Variants in FLT3 observed in about 807,000 individuals in gnomAD.
FLT3 encodes fms related receptor tyrosine kinase 3.
Under a neutral mutation model 126.6 loss-of-function variants are expected in FLT3, and 46 were observed. The observed-to-expected ratio is 0.36, with a 90% CI of 0.29 to 0.46. FLT3 has a LOEUF of 0.46. Ranked by LOEUF, FLT3 falls within the 20% of genes least tolerant of loss-of-function variation. The pLI is 1.00. For missense variants in FLT3, 1,069 were observed against 1,190.3 expected, an observed-to-expected ratio of 0.90 and a Z score of 1.50; for synonymous variants, 404 against 434.4, an observed-to-expected ratio of 0.93 and a Z score of 0.87.
chr13:28,061,127 G>A (rs1876515652), intron 3 of FLT3, among the ~76,000 whole-genome samples: 2 of 151,852 alleles, frequency 1.3e-5, no homozygotes, highest in African/African-American at 2.4e-5. Flanking sequence ...AGGCCGAGGT[G>A]GGAGGATCAT....
At chr13:28,045,930 T>A (rs1874820102) in intron 9 of FLT3, among the ~76,000 whole-genome samples, 1 of 57,852 alleles carries the variant, frequency 1.7e-5, no homozygotes, top group African/African-American at 4.1e-5. Context: ...AAGGCAATGG[T>A]TCTCAAAAAA....
chr13:28,066,623 T>TA (rs1476827710), intron 2 of FLT3, among the ~76,000 whole-genome samples: 13 of 151,956 alleles, frequency 8.6e-5, no homozygotes, highest in African/African-American at 2.4e-4. Context: ...ATCCAGAGGA[T>TA]AAAATAAATA....
At chr13:28,028,150 T>G in intron 16 of FLT3, 28 bp downstream of exon 16, 51 of 1,014,482 alleles carry the variant, frequency 5.0e-5, no homozygotes, top group Non-Finnish European at 6.9e-5. Context: ...GTCTTTTTGA[T>G]GAGGTGATTT....
chr13:28,086,813 A>AT (rs1188569295), intron 1 of FLT3, among the ~76,000 whole-genome samples: 2 of 151,844 alleles, frequency 1.3e-5, no homozygotes, highest in Admixed American at 1.3e-4. Context: ...AACCCAGCTA[A>AT]TTTTTGTATT....
chr13:28,082,876 TTTTG>T (rs371741184), intron 1 of FLT3, among the ~76,000 whole-genome samples: 2,195 of 152,048 alleles, frequency 0.014, 26 homozygotes, highest in Middle Eastern at 0.027. Flanking sequence ...GCTACTTTTT[TTTTG>T]TATTTTTAGT....
chr13:28,062,619 C>T (rs1420710124), intron 2 of FLT3, among the ~76,000 whole-genome samples: 1 of 151,510 alleles, frequency 6.6e-6, no homozygotes, highest in African/African-American at 2.4e-5. Flanking sequence ...TGGTTGGCAC[C>T]TGTAATCCCA....
rs114983113 is a variant in FLT3 at position 28,096,491 on chromosome 13, C to A, written c.43+3977G>T. On this transcript the variant is annotated intron_variant, in intron 1 of 23. Coordinates refer to ENST00000241453, the MANE Select transcript of FLT3 (RefSeq NM_004119.3). ...GCACTCTGTCACCAAGGGTATAGTG[C>A]AATGGCGCAATCTTGGCTCACTGCA... Among the ~76,000 whole-genome samples the A allele has an allele frequency of 9.5e-3, 1,434 of 151,700 alleles. 28 individuals are homozygous for A. Among genetic ancestry groups the A allele is most frequent in the African/African-American group, 0.033 (1,357 of 41,374 alleles).
chr13:28,035,260 G>A (rs1406935607), intron 12 of FLT3, among the ~76,000 whole-genome samples: 1 of 152,104 alleles, frequency 6.6e-6, no homozygotes, highest in East Asian at 1.9e-4. Flanking sequence ...TCACCACACT[G>A]GGAGTTTCTG....
chr13:28,023,212 CGCTA>C, intron 19 of FLT3, 134 bp downstream of exon 19: 1 of 846,510 alleles, frequency 1.2e-6, no homozygotes, highest in Non-Finnish European at 1.8e-6. Flanking sequence ...CAAGGTAACA[CGCTA>C]GGTGACTCCA....
At position 28,021,275 on chromosome 13, in the gene FLT3, A is replaced by T. The variant is rs140933105; in HGVS notation, c.2418+2075T>A. ...TGTGGTGGTGCACACCTGTAACCCC[A>T]GCTACTTGGGAAGCCAAGGCAGGAG... On this transcript the variant is annotated intron_variant, in intron 19 of 23. Coordinates refer to ENST00000241453, the MANE Select transcript of FLT3 (RefSeq NM_004119.3). 4.7e-3 allele frequency among the ~76,000 whole-genome samples: 712 copies of T among 152,308 alleles called. 7 individuals carry two copies. Among genetic ancestry groups the T allele is most frequent in the African/African-American group, 0.016 (683 of 41,578 alleles).
At chr13:28,086,577 A>G (rs1377876042) in intron 1 of FLT3, among the ~76,000 whole-genome samples, 2 of 151,570 alleles carry the variant, frequency 1.3e-5, no homozygotes, top group East Asian at 1.9e-4. Context: ...GTGTAAATCC[A>G]GATTTTCATT....
chr13:28,017,973 A>G (rs891408562), intron 20 of FLT3, among the ~76,000 whole-genome samples: 2 of 152,104 alleles, frequency 1.3e-5, no homozygotes, highest in Non-Finnish European at 2.9e-5. Context: ...CAATTCACTC[A>G]TGTTTTAGAT....
At chr13:28,008,974 AT>A (rs532973341) in intron 23 of FLT3, among the ~76,000 whole-genome samples, 1 of 151,854 alleles carries the variant, frequency 6.6e-6, no homozygotes, top group Admixed American at 6.6e-5. Flanking sequence ...TTCAATTTTT[AT>A]TTATTTATTT....
intron 1 of FLT3, among the ~76,000 whole-genome samples, chr13:28,091,268 C>A (rs980866438): frequency 8.5e-6 from 1 of 117,462 alleles, no homozygotes; most frequent in South Asian, 3.1e-4. Flanking sequence ...GTCGCCCAGG[C>A]TGGAGTGCAG....
intron 6 of FLT3, 147 bp from the exon 7 acceptor site, chr13:28,049,921 C>G: frequency 9.1e-7 from 1 of 1,103,802 alleles, no homozygotes; most frequent in Non-Finnish European, 1.3e-6. Context: ...GAGACTGACT[C>G]CTCTTTTATG....
chr13:28,089,738 C>CTTT (rs56030894), intron 1 of FLT3, among the ~76,000 whole-genome samples: 1 of 143,942 alleles, frequency 6.9e-6, no homozygotes. Flanking sequence ...CATGAGGGAA[C>CTTT]TTTTTTTTTT....
intron 1 of FLT3, among the ~76,000 whole-genome samples, chr13:28,092,056 C>T (rs922591208): frequency 6.6e-6 from 1 of 152,056 alleles, no homozygotes; most frequent in African/African-American, 2.4e-5. Flanking sequence ...GGTGATGGAG[C>T]GAGACTCCGT....
intron 17 of FLT3, among the ~76,000 whole-genome samples, chr13:28,026,484 T>A (rs1872814337): frequency 6.6e-6 from 1 of 151,478 alleles, no homozygotes; most frequent in Non-Finnish European, 1.5e-5. Flanking sequence ...AGTTCAAGGA[T>A]GAGGAGGAGA....
chr13:28,052,012 C>G (rs73439151), intron 5 of FLT3, among the ~76,000 whole-genome samples: 32,512 of 151,692 alleles, frequency 0.21, 3,860 homozygotes, highest in Middle Eastern at 0.29. Flanking sequence ...TTCCAAAAAG[C>G]CCCTTACCAA....
Sources: gnomAD v4.1 joint callset for allele counts (sites outside exome capture counted in the v4.1 genomes callset) on GRCh38, gnomAD v4.1.1 for gene constraint, MANE v1.5 for transcripts, NCBI Gene and HGNC (gene_info 2026-07-23, HGNC 2026-07-21) for gene names.